Variants in IGFN1 observed in about 807,000 individuals in gnomAD.
The protein encoded by IGFN1 is immunoglobulin like and fibronectin type III domain containing 1.
Under a neutral mutation model 289.5 loss-of-function variants are expected in IGFN1, and 253 were observed. The ratio of observed to expected loss-of-function variants is 0.87; its 90% confidence interval spans 0.79 to 0.97. The LOEUF (loss-of-function observed/expected upper bound fraction) is 0.97, where lower values mean the gene tolerates loss of function less well. IGFN1 is among the 50% of genes least tolerant of loss of function. The pLI, the probability that IGFN1 is intolerant of heterozygous loss-of-function variation, is 0.00. For synonymous variants in IGFN1, 1,706 were observed against 1,788.5 expected, an observed-to-expected ratio of 0.95 and a Z score of 1.16; for missense variants, 4,470 against 4,686.1, an observed-to-expected ratio of 0.95 and a Z score of 1.35.
Position 201,212,789 on chromosome 1 carries a change from G to C in IGFN1, c.7896G>C (p.Gln2632His). Residue 2632 changes from glutamine to histidine, a missense_variant, in exon 12 of 24, where the codon CAG becomes CAC. Transcript: ENST00000335211. ...SNAWAPDWEN[Q>H]GFSQGSIDAG... ...CTTGGGCTCCTGATTGGGAAAACCA[G>C]GGGTTTAGCCAAGGCAGCATAGATG... 1 of 1,551,482 alleles carries C rather than the reference G, an allele frequency of 6.4e-7. No individual in the cohort carries two copies. Among genetic ancestry groups the C allele is most frequent in the South Asian group, 1.2e-5 (1 of 84,054 alleles).
Position 201,215,853 on chromosome 1 carries a change from T to A in IGFN1, c.9295+15T>A, listed in dbSNP as rs1653217603. On this transcript the variant is annotated intron_variant, in intron 15 of 23. Transcript: ENST00000335211. ...GCAAGTCATAGGTACCAGCCCTGTC[T>A]TCCCCCAACTAAGGCCTGAGAGTCC... is the stretch of plus-strand genomic sequence containing the variant. 6.2e-7 allele frequency: 1 copy of A among 1,605,226 alleles called. No individual in the cohort carries two copies. Among genetic ancestry groups the A allele is most frequent in the Middle Eastern group, 1.7e-4 (1 of 6,048 alleles).
chr1:201,196,081 T>G (rs1666907039), intron 4 of IGFN1, 103 bp downstream of exon 4: 2 of 1,181,914 alleles, frequency 1.7e-6, no homozygotes, highest in African/African-American at 3.1e-5. Flanking sequence ...TAAGACATAC[T>G]CCTCGTTGAG....
chr1:201,198,742 T>C (rs2102321762), intron 5 of IGFN1, among the ~76,000 whole-genome samples: 1 of 152,308 alleles, frequency 6.6e-6, no homozygotes, highest in East Asian at 1.9e-4. Flanking sequence ...ACCCTTTTTA[T>C]AGAGGAAGCA....
chr1:201,227,115 C>A lies in IGFN1; in HGVS notation c.11020C>A (p.Pro3674Thr), dbSNP rs1654158427. 6.2e-7 allele frequency: 1 copy of A among 1,613,408 alleles called. No homozygotes were observed. The highest frequency in any genetic ancestry group is 1.3e-5 in the African/African-American group (1 of 74,942). The change falls in exon 23 of 24, where the codon CCC becomes ACC. Residue 3674 changes from proline to threonine, a missense_variant. Physicochemically the swap from Pro to Thr is conservative, Grantham distance 38. Coordinates refer to ENST00000335211, the MANE Select transcript of IGFN1 (RefSeq NM_001164586.2). The part of the protein sequence containing the change: ...DLLGVCSLTI[P>T]SVSPKDSGEY... ...GCTGGGCGTGTGCTCCCTCACCATC[C>A]CCAGCGTATCCCCGAAGGACAGCGG...
At chr1:201,226,711 A>C (rs1654118733) in intron 22 of IGFN1, among the ~76,000 whole-genome samples, 171 bp from the exon 23 acceptor site, 1 of 152,228 alleles carries the variant, frequency 6.6e-6, no homozygotes, top group African/African-American at 2.4e-5. Context: ...GAATTTTAGG[A>C]AAAGGATAGA....
chr1:201,220,824 A>G (rs528863515), intron 18 of IGFN1, among the ~76,000 whole-genome samples: 1 of 152,338 alleles, frequency 6.6e-6, no homozygotes, highest in East Asian at 1.9e-4. Flanking sequence ...ACTGCACCCC[A>G]GACTAATTAA....
chr1:201,216,326 G>T, intron 15 of IGFN1, 128 bp from the exon 16 acceptor site: 1 of 737,950 alleles, frequency 1.4e-6, no homozygotes, highest in Non-Finnish European at 2.1e-6. Context: ...CCCCATTGCA[G>T]GCTTATCTGC....
rs1355035117 is a variant in IGFN1, at chr1:201,224,743, C to T, written c.10355C>T (p.Thr3452Ile). Residue 3452 changes from threonine to isoleucine, a missense_variant, in exon 21 of 24, where the codon ACT becomes ATT. By Grantham distance (89) the Thr-to-Ile change is moderately conservative. This residue lies in a region of IGFN1 where 2,218 missense variants were observed against 2,114.1 expected (regional missense o/e 1.05). Coordinates refer to ENST00000335211, the MANE Select transcript of IGFN1 (RefSeq NM_001164586.2). ...DGLPLPKRSV[T>I]VTKDGLTQLL... ...TTGCCCTTGCCCAAAAGAAGTGTGA[C>T]TGTCACTAAGGATGGCCTCACCCAG... is the stretch of plus-strand genomic sequence containing the variant. The T allele has an allele frequency of 6.2e-7, 1 of 1,614,224 alleles. No homozygotes were observed. The highest frequency in any genetic ancestry group is 1.3e-5 in the African/African-American group (1 of 75,064).
In IGFN1 at chr1:201,213,163, C is replaced by A. The variant is rs1214253949; in HGVS notation, c.8270C>A (p.Thr2757Asn). 1 of 1,551,518 alleles carries A rather than the reference C, an allele frequency of 6.4e-7. No individual in the cohort carries two copies. The highest frequency in any genetic ancestry group is 8.7e-7 in the Non-Finnish European group (1 of 1,146,968). Residue 2757 changes from threonine (T) to asparagine (N), a missense_variant, in exon 12 of 24, where the codon ACC (threonine) becomes AAC (asparagine). By Grantham distance (65) the Thr-to-Asn change is moderately conservative. Transcript: ENST00000335211. ...GCCTCTAGAGATAGGTCAGGAGGGACCCAGGACCTGAGCTCTCAGCGAGGC... is the reference window on the plus strand; with the variant it reads ...GCCTCTAGAGATAGGTCAGGAGGGAACCAGGACCTGAGCTCTCAGCGAGGC... ...RKASRDRSGGTQDLSSQRGKG... is the reference protein window; with the variant it reads ...RKASRDRSGGNQDLSSQRGKG...
rs1014876519 is a variant in IGFN1, at chr1:201,205,467, G to T, written c.1189+113G>T. 5 of 1,206,946 alleles carry T rather than the reference G, an allele frequency of 4.1e-6. No homozygotes were observed. The South Asian group carries it at 4.8e-5, about 12-fold the overall frequency. The allele number at this position is 1,206,946 out of a possible 1,614,324, so 74.8% of individuals were successfully genotyped here. Reference sequence around the variant, plus strand: ...CCTTTGGTCAGAGAGAATAAGGAAAGCTCCTTAGATTATTCTCCACCCACT... The same window carrying T: ...CCTTTGGTCAGAGAGAATAAGGAAATCTCCTTAGATTATTCTCCACCCACT... On this transcript the variant is annotated intron_variant, in intron 11 of 23. Coordinates refer to ENST00000335211, the MANE Select transcript of IGFN1 (RefSeq NM_001164586.2).
chr1:201,203,712 G>A lies in IGFN1; in HGVS notation c.748-26G>A, dbSNP rs754790888. 1.4e-5 allele frequency: 22 copies of A among 1,549,286 alleles called. No individual in the cohort carries two copies. The East Asian group carries it at 1.5e-4, about 10-fold the overall frequency. On this transcript the variant is annotated intron_variant, in intron 9 of 23. Transcript: ENST00000335211. ...AAGCACTGAGGACCCACTGAGGCCCGCCTCCTCTTCCTTTTCTGGCCTTAG... is the reference window on the plus strand; with the variant it reads ...AAGCACTGAGGACCCACTGAGGCCCACCTCCTCTTCCTTTTCTGGCCTTAG...
In IGFN1 at chr1:201,218,536, G is replaced by T. The variant is rs373179446; in HGVS notation, c.9776G>T (p.Arg3259Met). ...AVNDQPVPERRWTVADVRQGC... is the reference protein window; with the variant it reads ...AVNDQPVPERMWTVADVRQGC... ...ATGGGCGGGCTGTTCACAGAGAGGA[G>T]GTGGACGGTGGCGGACGTGCGGCAG... is the stretch of plus-strand genomic sequence containing the variant. The change falls in exon 18 of 24, where the codon AGG becomes ATG. Residue 3259 changes from arginine (R) to methionine (M), a missense_variant. By Grantham distance (91) the Arg-to-Met change is moderately conservative (BLOSUM62 -1). This residue lies in a region of IGFN1 where 2,218 missense variants were observed against 2,114.1 expected (regional missense o/e 1.05). Transcript: ENST00000335211. 18 of 1,612,642 alleles carry T rather than the reference G, an allele frequency of 1.1e-5. No homozygotes were observed. The African/African-American group carries it at 2.4e-4, about 22-fold the overall frequency.
At chr1:201,215,506 T>C in intron 14 of IGFN1, 33 bp from the exon 15 acceptor site, 2 of 1,519,440 alleles carry the variant, frequency 1.3e-6, no homozygotes, top group East Asian at 2.3e-5. Flanking sequence ...CCCAGTGCCC[T>C]GGTCTTCCTT....
rs1272238315 is a variant in IGFN1, at chr1:201,207,601, G to A, written c.2708G>A (p.Gly903Glu). 1 of 1,537,024 alleles carries A rather than the reference G, an allele frequency of 6.5e-7. No individual in the cohort carries two copies. ...APGLGAQGSGGTLGDKKGLRG... is the reference protein window; with the variant it reads ...APGLGAQGSGETLGDKKGLRG... ...GGCCTGGGTGCTCAGGGATCTGGGGGGACACTAGGAGATAAGAAAGGATTA... is the reference window on the plus strand; with the variant it reads ...GGCCTGGGTGCTCAGGGATCTGGGGAGACACTAGGAGATAAGAAAGGATTA... The change falls in exon 12 of 24, where the codon GGG becomes GAG. Residue 903 changes from glycine (G) to glutamate (E), a missense_variant. Physicochemically the swap from Gly to Glu is moderately conservative, Grantham distance 98. Coordinates refer to ENST00000335211, the MANE Select transcript of IGFN1 (RefSeq NM_001164586.2).
At chr1:201,213,804 A>G (rs1229292828) in intron 12 of IGFN1, among the ~76,000 whole-genome samples, 183 bp downstream of exon 12, 1 of 152,130 alleles carries the variant, frequency 6.6e-6, no homozygotes, top group Admixed American at 6.5e-5. Flanking sequence ...CTTTACGCAG[A>G]TGGGGTCCAG....
rs1177634790 is a variant in IGFN1 at position 201,213,508 on chromosome 1, G to A, written c.8615G>A (p.Arg2872Lys). ...SREPPGHLGS[R>K]RSGKDGRLDI... is the part of the protein sequence containing the mutation. ...GAGCCCCCTGGTCACCTTGGTAGCA[G>A]GAGAAGTGGCAAAGACGGCAGGTTG... The change falls in exon 12 of 24, where the codon AGG becomes AAG. Residue 2872 changes from arginine (R) to lysine (K), a missense_variant. Around this residue, in one of 8 missense-constraint regions of IGFN1, gnomAD observed 2,218 missense variants for 2,114.1 expected, o/e 1.05. Coordinates refer to ENST00000335211, the MANE Select transcript of IGFN1 (RefSeq NM_001164586.2). The A allele has an allele frequency of 6.2e-7, 1 of 1,613,930 alleles. No individual in the cohort carries two copies. The highest frequency in any genetic ancestry group is 8.5e-7 in the Non-Finnish European group (1 of 1,179,956).
In IGFN1 at chr1:201,213,480, C is replaced by G; in HGVS notation, c.8587C>G (p.Arg2863Gly). The G allele has an allele frequency of 6.2e-7, 1 of 1,613,960 alleles. No individual in the cohort carries two copies. Among genetic ancestry groups the G allele is most frequent in the South Asian group, 1.1e-5 (1 of 91,074 alleles). Residue 2863 changes from arginine (R) to glycine (G), a missense_variant, in exon 12 of 24, where the codon CGG (arginine) becomes GGG (glycine). Physicochemically the swap from Arg to Gly is moderately radical, Grantham distance 125. Around this residue, in one of 8 missense-constraint regions of IGFN1, gnomAD observed 2,218 missense variants for 2,114.1 expected, o/e 1.05. Coordinates refer to ENST00000335211, the MANE Select transcript of IGFN1 (RefSeq NM_001164586.2). ...GGAGATGCTGAATGAAGATCAGAGC[C>G]GGGAGCCCCCTGGTCACCTTGGTAG... The part of the protein sequence containing the change: ...LEEMLNEDQS[R>G]EPPGHLGSRR...
intron 13 of IGFN1, among the ~76,000 whole-genome samples, chr1:201,214,719 T>C (rs558021056): frequency 2.6e-5 from 4 of 152,324 alleles, no homozygotes; most frequent in Admixed American, 6.5e-5. Context: ...CAGTATCAGC[T>C]AAGTCTGGCT....
In IGFN1 at chr1:201,226,068, G is replaced by A. The variant is rs1015714553; in HGVS notation, c.10731G>A (p.Leu3577=). ...YHFRVVAKNE[L]GASKPSDTSQ... is the part of the protein sequence containing the mutation. ...TCAGGGTGGTGGCCAAGAATGAGCT[G>A]GGGGCCAGCAAACCCTCGGACACCA... The change falls in exon 22 of 24, where the codon CTG becomes CTA. Residue 3577 remains leucine, a synonymous_variant. Transcript: ENST00000335211. 6.2e-7 allele frequency: 1 copy of A among 1,602,474 alleles called. No homozygotes were observed. Among genetic ancestry groups the A allele is most frequent in the Non-Finnish European group, 8.5e-7 (1 of 1,172,650 alleles).
Sources: allele counts gnomAD v4.1 joint callset (sites outside exome capture counted in the v4.1 genomes callset), GRCh38; gene constraint gnomAD v4.1.1; regional missense constraint gnomAD v4.1.1; transcripts MANE v1.5; gene names NCBI Gene and HGNC (gene_info 2026-07-23, HGNC 2026-07-21).